Variants in ADGRV1 observed in about 807,000 individuals in gnomAD.
The protein encoded by ADGRV1 is adhesion G protein-coupled receptor V1, also known as G-protein coupled receptor 98.
Under a neutral mutation model 596.2 loss-of-function variants are expected in ADGRV1, and 359 were observed. That is an observed-to-expected ratio of 0.60 (90% CI 0.55 to 0.66). The LOEUF (loss-of-function observed/expected upper bound fraction) is 0.66. ADGRV1 is among the 30% of genes least tolerant of loss of function. The probability of loss-of-function intolerance (pLI) is 0.00; values close to 1 mark genes in which losing one functional copy is unlikely to be tolerated. For synonymous variants in ADGRV1, 2,681 were observed against 2,679.2 expected (o/e 1.00, Z -0.02); for missense variants, 7,274 against 7,575.6 (o/e 0.96, Z 1.48).
At chr5:90,875,615 G>A (rs566983464) in intron 83 of ADGRV1, among the ~76,000 whole-genome samples, 1 of 152,160 alleles carries the variant, frequency 6.6e-6, no homozygotes, top group South Asian at 2.1e-4. Flanking sequence ...GAGACTTCTG[G>A]AAACTAGCTT....
chr5:90,629,446 C>G lies in ADGRV1; in HGVS notation c.1746C>G (p.Asp582Glu). ...EGILNISRRNDLIFPEQKTQV... is the reference protein window; with the variant it reads ...EGILNISRRNELIFPEQKTQV... Reference sequence around the variant, plus strand: ...TCTTAAATATATCAAGGAGAAATGACCTCATTTTTCCAGAGCAAAAAACTC... The same window carrying G: ...TCTTAAATATATCAAGGAGAAATGAGCTCATTTTTCCAGAGCAAAAAACTC... Residue 582 changes from aspartate (D) to glutamate (E), a missense_variant, in exon 9 of 90, where the codon GAC (aspartate) becomes GAG (glutamate). Around this residue, in one of 5 missense-constraint regions of ADGRV1, gnomAD observed 1,715 missense variants for 1,708.8 expected, o/e 1.00. Coordinates refer to ENST00000405460, the MANE Select transcript of ADGRV1 (RefSeq NM_032119.4). The G allele has an allele frequency of 1.2e-6, 2 of 1,613,344 alleles. No individual in the cohort carries two copies. Among genetic ancestry groups the G allele is most frequent in the Non-Finnish European group, 1.7e-6 (2 of 1,179,576 alleles).
chr5:91,143,790 G>A (rs1423356421), intron 87 of ADGRV1, among the ~76,000 whole-genome samples: 1 of 152,206 alleles, frequency 6.6e-6, no homozygotes, highest in African/African-American at 2.4e-5. Context: ...GAGCCAGTCT[G>A]CCTCATGCCA....
chr5:90,800,440 A>T (rs1391396599), intron 70 of ADGRV1, among the ~76,000 whole-genome samples: 1 of 152,176 alleles, frequency 6.6e-6, no homozygotes, highest in Non-Finnish European at 1.5e-5. Context: ...GCTGGAGAGG[A>T]TGTGGAGAAA....
In ADGRV1 at chr5:90,817,100, C is replaced by T. The variant is rs550980397; in HGVS notation, c.16196+1364C>T. 5.9e-5 allele frequency among the ~76,000 whole-genome samples: 9 copies of T among 152,266 alleles called. No homozygotes were observed. In the East Asian group the frequency reaches 1.4e-3, roughly 23 times the overall value. On this transcript the variant is annotated intron_variant, in intron 75 of 89. Coordinates refer to ENST00000405460, the MANE Select transcript of ADGRV1 (RefSeq NM_032119.4). ...TGTTTCCTGACTTATTAATGATTGC[C>T]GTTCTAACTGGTGTGAGATGGTATC...
intron 1 of ADGRV1, among the ~76,000 whole-genome samples, chr5:90,580,989 T>G (rs1757957492): frequency 6.6e-6 from 1 of 152,250 alleles, no homozygotes; most frequent in African/African-American, 2.4e-5. Context: ...CTTCCCACTT[T>G]ATTTCATTAA....
chr5:90,687,099 T>G (rs936912364), intron 29 of ADGRV1, among the ~76,000 whole-genome samples: 1 of 152,144 alleles, frequency 6.6e-6, no homozygotes, highest in African/African-American at 2.4e-5. Context: ...TCATTGTAGA[T>G]TCTGGATATT....
chr5:91,136,600 T>G (rs571096729), intron 87 of ADGRV1, among the ~76,000 whole-genome samples: 4 of 152,374 alleles, frequency 2.6e-5, no homozygotes, highest in Admixed American at 6.5e-5. Context: ...ATCACCTTTC[T>G]TTATAAATTT....
At chr5:91,009,463 G>A (rs773356017) in intron 85 of ADGRV1, among the ~76,000 whole-genome samples, 15 of 151,966 alleles carry the variant, frequency 9.9e-5, no homozygotes, top group Non-Finnish European at 1.8e-4. Flanking sequence ...ACTGTTATCC[G>A]TCCCATGAGA....
At chr5:90,946,724 C>A (rs1776610004) in intron 83 of ADGRV1, among the ~76,000 whole-genome samples, 3 of 152,090 alleles carry the variant, frequency 2.0e-5, no homozygotes, top group Non-Finnish European at 2.9e-5. Flanking sequence ...GTTTGGTTTT[C>A]TGTCCCTGTG....
chr5:90,872,101 A>G (rs936414193), intron 83 of ADGRV1, among the ~76,000 whole-genome samples: 2 of 152,138 alleles, frequency 1.3e-5, no homozygotes, highest in Admixed American at 1.3e-4. Context: ...TCTGTGCTTC[A>G]GGCTTTCTTA....
intron 50 of ADGRV1, among the ~76,000 whole-genome samples, chr5:90,744,666 T>G (rs780413929): frequency 7.9e-5 from 12 of 152,164 alleles, no homozygotes; most frequent in African/African-American, 1.2e-4. Flanking sequence ...TTCATATGAA[T>G]GATAACTAGA....
intron 85 of ADGRV1, among the ~76,000 whole-genome samples, chr5:91,003,416 C>T (rs1782002979): frequency 1.3e-5 from 2 of 152,198 alleles, no homozygotes; most frequent in African/African-American, 4.8e-5. Flanking sequence ...GAAACATACG[C>T]TAGAAATCCT....
intron 83 of ADGRV1, among the ~76,000 whole-genome samples, chr5:90,927,197 TTC>T (rs1293672339): frequency 6.6e-6 from 1 of 150,890 alleles, no homozygotes; most frequent in African/African-American, 2.5e-5. Flanking sequence ...CTTGTTGACT[TTC>T]TGTCTCGTTG....
chr5:91,028,504 A>C (rs980313075), intron 85 of ADGRV1, among the ~76,000 whole-genome samples: 5 of 152,002 alleles, frequency 3.3e-5, no homozygotes, highest in African/African-American at 9.7e-5. Flanking sequence ...GGCCCAATCC[A>C]CACCCTGCCC....
intron 85 of ADGRV1, among the ~76,000 whole-genome samples, chr5:91,052,901 A>T (rs12188068): frequency 0.24 from 35,799 of 152,126 alleles, 4,527 homozygotes; most frequent in Non-Finnish European, 0.28. Context: ...ACATGCTTCT[A>T]TAGTATTCTT....
At chr5:91,108,203 A>G (rs964831759) in intron 87 of ADGRV1, among the ~76,000 whole-genome samples, 2 of 152,180 alleles carry the variant, frequency 1.3e-5, no homozygotes, top group African/African-American at 4.8e-5. Flanking sequence ...TTTAACTTAA[A>G]AATCGCTTGA....
intron 89 of ADGRV1, among the ~76,000 whole-genome samples, chr5:91,162,185 A>C (rs1219313311): frequency 1.3e-5 from 2 of 152,224 alleles, no homozygotes; most frequent in Non-Finnish European, 2.9e-5. Flanking sequence ...GCACAGTTTA[A>C]TACTACATTC....
At chr5:90,605,962 T>G (rs1762066777) in intron 1 of ADGRV1, among the ~76,000 whole-genome samples, 1 of 152,192 alleles carries the variant, frequency 6.6e-6, no homozygotes, top group Admixed American at 6.5e-5. Context: ...TACTTGCACT[T>G]TTATAGGACA....
At chr5:91,051,583 G>A (rs551857762) in intron 85 of ADGRV1, among the ~76,000 whole-genome samples, 1 of 117,698 alleles carries the variant, frequency 8.5e-6, no homozygotes, top group Non-Finnish European at 1.6e-5. Flanking sequence ...GTCTCACTCT[G>A]TCGCCCAGGC....
Sources: allele counts gnomAD v4.1 joint callset (sites outside exome capture counted in the v4.1 genomes callset), GRCh38; gene constraint gnomAD v4.1.1; regional missense constraint gnomAD v4.1.1; transcripts MANE v1.5; gene names NCBI Gene and HGNC (gene_info 2026-07-23, HGNC 2026-07-21).